The following ADAMTSL1 variants were observed in gnomAD, a reference collection of about 807,000 sequenced individuals.
ADAMTSL1 encodes the protein ADAMTS-like protein 1.
In ADAMTSL1, 126 loss-of-function variants were observed where a neutral mutation model predicts 201.8. The ratio of observed to expected loss-of-function variants is 0.62; its 90% CI spans 0.54 to 0.72. The LOEUF is 0.72. Ranked by LOEUF, ADAMTSL1 falls within the 30% of genes least tolerant of loss-of-function variation. The probability of loss-of-function intolerance (pLI) is 0.00; values close to 1 mark genes in which losing one functional copy is unlikely to be tolerated. For synonymous variants in ADAMTSL1, 1,121 were observed against 903.4 expected, an observed-to-expected ratio of 1.24 and a Z score of -4.32; for missense variants, 2,679 against 2,277.8, an observed-to-expected ratio of 1.18 and a Z score of -3.59.
Position 18,036,464 on chromosome 9 carries a change from C to G in ADAMTSL1, c.88-127398C>G, listed in dbSNP as rs144982330. Among the ~76,000 whole-genome samples the G allele has an allele frequency of 3.2e-3, 480 of 152,296 alleles. 14 individuals are homozygous for G. The South Asian group carries it at 0.069, about 22-fold the overall frequency. On this transcript the variant is annotated intron_variant, in intron 1 of 29. Transcript: ENST00000680146. Reference sequence around the variant, plus strand: ...AAATATGCACTTGGTCAAAGTAACTCTAGGTATAATATCACATCTTTATTT... The same window carrying G: ...AAATATGCACTTGGTCAAAGTAACTGTAGGTATAATATCACATCTTTATTT...
chr9:17,981,303 G>A (rs1379565900), intron 1 of ADAMTSL1, among the ~76,000 whole-genome samples: 1 of 152,200 alleles, frequency 6.6e-6, no homozygotes, highest in Non-Finnish European at 1.5e-5. Flanking sequence ...ATGGTGTTCT[G>A]CTATTGCAGA....
At chr9:17,979,288 G>C (rs1818587520) in intron 1 of ADAMTSL1, among the ~76,000 whole-genome samples, 1 of 151,506 alleles carries the variant, frequency 6.6e-6, no homozygotes, top group South Asian at 2.1e-4. Context: ...TCTTCTTCTT[G>C]GATTACTTTA....
rs141849937 is a variant in ADAMTSL1, at chr9:18,117,894, T to C, written c.88-45968T>C. Reference sequence around the variant, plus strand: ...CTCCATTCACTCTTGGCTAGCCACATGAGGGTTACAAATTTGTACTAACTC... The same window carrying C: ...CTCCATTCACTCTTGGCTAGCCACACGAGGGTTACAAATTTGTACTAACTC... On this transcript the variant is annotated intron_variant, in intron 1 of 29. Transcript: ENST00000680146. 5.1e-3 allele frequency among the ~76,000 whole-genome samples: 778 copies of C among 152,312 alleles called. 2 individuals are homozygous for C. Among genetic ancestry groups the C allele is most frequent in the African/African-American group, 0.017 (704 of 41,580 alleles).
Position 18,074,789 on chromosome 9 carries a change from C to A in ADAMTSL1, c.88-89073C>A, listed in dbSNP as rs146382115. 3.0e-3 allele frequency among the ~76,000 whole-genome samples: 457 copies of A among 151,998 alleles called. 2 individuals carry two copies. The highest frequency in any genetic ancestry group is 0.01 in the African/African-American group (435 of 41,468). On this transcript the variant is annotated intron_variant, in intron 1 of 29. Coordinates refer to the ADAMTSL1 transcript ENST00000680146. ...TATTTTTAGTAGAGATGGGGTTACA[C>A]CATGTTGGCCAGGCTTGTCTCAAAC...
chr9:18,324,553 T>C (rs2132871048), intron 2 of ADAMTSL1, among the ~76,000 whole-genome samples: 1 of 151,862 alleles, frequency 6.6e-6, no homozygotes, highest in African/African-American at 2.4e-5. Context: ...TCACCTGAGG[T>C]TGGGAGTTTG....
chr9:18,216,854 C>T (rs927917653), intron 2 of ADAMTSL1, among the ~76,000 whole-genome samples: 22 of 152,010 alleles, frequency 1.4e-4, no homozygotes, highest in Non-Finnish European at 1.9e-4. Context: ...AGAGCAAAAA[C>T]GCTGGAGCCA....
At chr9:17,969,699 C>T (rs890366965) in intron 1 of ADAMTSL1, among the ~76,000 whole-genome samples, 1 of 151,956 alleles carries the variant, frequency 6.6e-6, no homozygotes, top group African/African-American at 2.4e-5. Flanking sequence ...CTAATCTATA[C>T]ATTAAGTTAT....
At chr9:18,179,540 T>C (rs1198602711) in intron 2 of ADAMTSL1, among the ~76,000 whole-genome samples, 2 of 151,846 alleles carry the variant, frequency 1.3e-5, no homozygotes, top group African/African-American at 4.8e-5. Context: ...ACAAAGATAC[T>C]CCTCGAGAAG....
chr9:18,099,326 A>AATATATAT (rs71333027), intron 1 of ADAMTSL1, among the ~76,000 whole-genome samples: 13 of 57,582 alleles, frequency 2.3e-4, no homozygotes, highest in Middle Eastern at 0.011. Flanking sequence ...GCAAATGGAA[A>AATATATAT]ATATATATAT....
chr9:18,865,184 T>G (rs1033788260), intron 23 of ADAMTSL1, among the ~76,000 whole-genome samples: 1 of 151,926 alleles, frequency 6.6e-6, no homozygotes, highest in Non-Finnish European at 1.5e-5. Context: ...ATGCTATCCC[T>G]CCCCGCTCCC....
intron 1 of ADAMTSL1, among the ~76,000 whole-genome samples, chr9:18,063,938 TA>T (rs1218486834): frequency 6.6e-6 from 1 of 152,156 alleles, no homozygotes; most frequent in African/African-American, 2.4e-5. Flanking sequence ...CGTGCCGGTT[TA>T]GAATCAACAA....
At chr9:18,328,303 A>T (rs967989848) in intron 2 of ADAMTSL1, among the ~76,000 whole-genome samples, 3 of 152,154 alleles carry the variant, frequency 2.0e-5, no homozygotes, top group African/African-American at 7.2e-5. Context: ...GCTGCCTGTT[A>T]TAACTCTTAA....
chr9:18,059,461 G>C (rs1822352959), intron 1 of ADAMTSL1, among the ~76,000 whole-genome samples: 1 of 152,152 alleles, frequency 6.6e-6, no homozygotes, highest in South Asian at 2.1e-4. Flanking sequence ...TGATTAGGAA[G>C]CTGGCATATT....
chr9:18,770,504 T>G lies in ADAMTSL1; in HGVS notation c.2218-98T>G, dbSNP rs1216934269. ...TTTTCTTCTTCTTCTGGATTTTTTT[T>G]TCTTCCTTTACTCTGCCAAATTAAG... On this transcript the variant is annotated intron_variant, in intron 16 of 28. Transcript: ENST00000380548. The G allele has an allele frequency of 3.2e-6, 4 of 1,255,526 alleles. No homozygotes were observed. The East Asian group carries it at 7.7e-5, about 24-fold the overall frequency. The allele number at this position is 1,255,526 out of a possible 1,614,324, so 77.8% of individuals were successfully genotyped here.
intron 20 of ADAMTSL1, among the ~76,000 whole-genome samples, chr9:18,815,664 C>T (rs534305406): frequency 7.4e-6 from 1 of 134,858 alleles, no homozygotes; most frequent in East Asian, 2.3e-4. Flanking sequence ...GCCAACATCA[C>T]ACCACTGCCC....
At chr9:18,720,789 A>C (rs1398568538) in intron 14 of ADAMTSL1, among the ~76,000 whole-genome samples, 1 of 152,144 alleles carries the variant, frequency 6.6e-6, no homozygotes, top group Non-Finnish European at 1.5e-5. Context: ...AAAAATTTTA[A>C]AATAAAATAA....
intron 4 of ADAMTSL1, among the ~76,000 whole-genome samples, chr9:18,591,368 A>C (rs1823903386): frequency 6.6e-6 from 1 of 152,066 alleles, no homozygotes; most frequent in Non-Finnish European, 1.5e-5. Flanking sequence ...ATTTGCATGG[A>C]GTATCTTTTC....
intron 1 of ADAMTSL1, among the ~76,000 whole-genome samples, chr9:18,084,471 G>A (rs765907103): frequency 8.6e-5 from 13 of 151,130 alleles, no homozygotes; most frequent in African/African-American, 1.7e-4. Flanking sequence ...GCAGTGAGCC[G>A]AGATGACACT....
intron 1 of ADAMTSL1, among the ~76,000 whole-genome samples, chr9:18,064,897 T>G (rs899398132): frequency 6.6e-6 from 1 of 150,652 alleles, no homozygotes; most frequent in African/African-American, 2.4e-5. Context: ...GGTTGTCTAT[T>G]ATAACTATAT....
Sources: allele counts gnomAD v4.1 joint callset (sites outside exome capture counted in the v4.1 genomes callset), GRCh38; gene constraint gnomAD v4.1.1; transcripts MANE v1.5; gene names NCBI Gene and HGNC (gene_info 2026-07-23, HGNC 2026-07-21).